TNRC18: variants seen among roughly 807,000 people sequenced by gnomAD.
TNRC18 encodes trinucleotide repeat-containing gene 18 protein.
In TNRC18, 69 loss-of-function variants were observed where a neutral mutation model predicts 226.7. The observed-to-expected ratio is 0.30, with a 90% CI of 0.25 to 0.37. The LOEUF (loss-of-function observed/expected upper bound fraction) is 0.37, where lower values mean the gene tolerates loss of function less well. Ranked by LOEUF, TNRC18 falls within the 10% of genes least tolerant of loss-of-function variation. TNRC18 has a pLI of 1.00. For missense variants in TNRC18, 4,754 were observed against 4,256.6 expected, an observed-to-expected ratio of 1.12 and a Z score of -3.25; for synonymous variants, 2,449 against 1,927.6, an observed-to-expected ratio of 1.27 and a Z score of -7.09.
chr7:5,380,641 T>C (rs1056340102), intron 5 of TNRC18, among the ~76,000 whole-genome samples: 1 of 152,122 alleles, frequency 6.6e-6, no homozygotes, highest in African/African-American at 2.4e-5. Context: ...AACATCAACG[T>C]AGCTCCTGTA....
In TNRC18 at chr7:5,382,553, G is replaced by A. The variant is rs192416182; in HGVS notation, c.2153-4529C>T. On this transcript the variant is annotated intron_variant, in intron 5 of 29. Transcript: ENST00000430969. ...CCAGGGGTCCGGGGAAGCGGATCGGGGGGGAGTGACTGGATAGAGGCCCCA... is the reference window on the plus strand; with the variant it reads ...CCAGGGGTCCGGGGAAGCGGATCGGAGGGGAGTGACTGGATAGAGGCCCCA... Among the ~76,000 whole-genome samples the A allele has an allele frequency of 5.2e-3, 797 of 152,214 alleles. 2 individuals are homozygous for A. Among genetic ancestry groups the A allele is most frequent in the Non-Finnish European group, 8.5e-3 (575 of 68,008 alleles).
chr7:5,357,382 C>G (rs1402391798), intron 15 of TNRC18, 106 bp from the exon 16 acceptor site: 5 of 1,252,078 alleles, frequency 4.0e-6, no homozygotes, highest in Non-Finnish European at 5.4e-6. Context: ...TCACCTGCCT[C>G]TGTGATTTAA....
chr7:5,313,712 C>A lies in TNRC18; in HGVS notation c.7179G>T (p.Pro2393=). The change falls in exon 27 of 30, where the codon CCG becomes CCT. Residue 2393 remains proline (P), a synonymous_variant. Coordinates refer to ENST00000430969, the MANE Select transcript of TNRC18 (RefSeq NM_001080495.3). Reference sequence around the variant, plus strand: ...CGGGTGGTGCGGGACTGGGCTGCGGCGGTGCCGGGCGCGCCTTGGGGGCCT... The same window carrying A: ...CGGGTGGTGCGGGACTGGGCTGCGGAGGTGCCGGGCGCGCCTTGGGGGCCT... ...RAKAPKARPA[P]PQPSPAPPAF... 1 of 1,587,938 alleles carries A rather than the reference C, an allele frequency of 6.3e-7. No homozygotes were observed. The highest frequency in any genetic ancestry group is 8.6e-7 in the Non-Finnish European group (1 of 1,167,428).
At chr7:5,356,707 C>G (rs1029573429) in intron 16 of TNRC18, among the ~76,000 whole-genome samples, 2 of 152,184 alleles carry the variant, frequency 1.3e-5, no homozygotes, top group Non-Finnish European at 2.9e-5. Flanking sequence ...ATCACACCCG[C>G]CAGTCACAGG....
Position 5,388,508 on chromosome 7 carries a change from G to A in TNRC18, c.1316C>T (p.Pro439Leu). The A allele has an allele frequency of 1.4e-5, 19 of 1,330,642 alleles. No homozygotes were observed. The highest frequency in any genetic ancestry group is 1.8e-5 in the South Asian group (1 of 57,080). 82.4% of individuals were successfully genotyped at this position (1,330,642 alleles called of 1,614,324 possible). The change falls in exon 5 of 30, where the codon CCG (proline) becomes CTG (leucine). Residue 439 changes from proline to leucine, a missense_variant. Physicochemically the swap from Pro to Leu is moderately conservative, Grantham distance 98. Transcript: ENST00000430969. ...CACCGTGGGGGCATCCGCGGGGGGC[G>A]GCCGCTTGAGCGAGCGGATGACCGA... ...KNSVIRSLKR[P>L]PPADAPTVRA...
Position 5,313,374 on chromosome 7 carries a change from G to A in TNRC18, c.7517C>T (p.Pro2506Leu), listed in dbSNP as rs762750666. Residue 2506 changes from proline (P) to leucine (L), a missense_variant, in exon 27 of 30, where the codon CCC becomes CTC. Physicochemically the swap from Pro to Leu is moderately conservative, Grantham distance 98. Transcript: ENST00000430969. ...CTTGGGCTCGCTGCTGCCGGCCGCG[G>A]GGGGATAGCTGCCCAGGCTCAGGAG... Reference protein sequence around the residue: ...KSLLSLGSYPPAAGSSEPKAP... With the variant: ...KSLLSLGSYPLAAGSSEPKAP... 1.9e-5 allele frequency: 30 copies of A among 1,584,484 alleles called. No homozygotes were observed. Among genetic ancestry groups the A allele is most frequent in the African/African-American group, 2.7e-5 (2 of 74,184 alleles).
chr7:5,369,595 G>C (rs1455791386), intron 11 of TNRC18, among the ~76,000 whole-genome samples: 1 of 152,132 alleles, frequency 6.6e-6, no homozygotes, highest in South Asian at 2.1e-4. Flanking sequence ...GAGGGAAGGA[G>C]ACGGGGACAC....
Position 5,377,874 on chromosome 7 carries a change from G to A in TNRC18, c.2255+48C>T, listed in dbSNP as rs1404679814. 1 of 1,581,344 alleles carries A rather than the reference G, an allele frequency of 6.3e-7. No individual in the cohort carries two copies. Among genetic ancestry groups the A allele is most frequent in the Non-Finnish European group, 8.7e-7 (1 of 1,152,866 alleles). ...TCATCCAGCTGCCCCTCACCCCCAG[G>A]GGCTCCTAGATACCCCCTAGACCCT... On this transcript the variant is annotated intron_variant, in intron 6 of 29. Transcript: ENST00000430969. The surrounding 1 kb of genome is among the most constrained non-coding windows in gnomAD (Gnocchi z 5.8).
intron 11 of TNRC18, among the ~76,000 whole-genome samples, chr7:5,369,318 C>T (rs1240182495): frequency 6.6e-6 from 1 of 152,192 alleles, no homozygotes; most frequent in African/African-American, 2.4e-5. Flanking sequence ...CACTGCACAC[C>T]AGCCTGGGTG....
At chr7:5,319,521 T>A (rs1788144521) in intron 24 of TNRC18, among the ~76,000 whole-genome samples, 1 of 152,188 alleles carries the variant, frequency 6.6e-6, no homozygotes, top group South Asian at 2.1e-4. Context: ...TCTTTTTTCT[T>A]TTTTTGAGAC....
chr7:5,374,192 G>C lies in TNRC18; in HGVS notation c.3092C>G (p.Pro1031Arg). ...TGGGGAGGCGGGCGGCGGGCTGGTG[G>C]GGTGGGAGCTGGGGGTGGCGGGGTA... ...YAYPATPSSH[P>R]TSPPPASPPP... is the part of the protein sequence containing the mutation. The change falls in exon 10 of 30, where the codon CCC (proline) becomes CGC (arginine). Residue 1031 changes from proline to arginine, a missense_variant. Pro to Arg is a moderately radical substitution (Grantham distance 103). Transcript: ENST00000430969. 7.0e-7 allele frequency: 1 copy of C among 1,436,346 alleles called. No homozygotes were observed. The highest frequency in any genetic ancestry group is 1.5e-5 in the South Asian group (1 of 67,880). 89.0% of individuals were successfully genotyped at this position (1,436,346 alleles called of 1,614,324 possible).
At position 5,388,355 on chromosome 7, in the gene TNRC18, G is replaced by T; in HGVS notation, c.1469C>A (p.Ala490Asp). The T allele has an allele frequency of 1.3e-6, 2 of 1,576,158 alleles. No homozygotes were observed. Among genetic ancestry groups the T allele is most frequent in the South Asian group, 2.3e-5 (2 of 86,722 alleles). The change falls in exon 5 of 30, where the codon GCC becomes GAC. Residue 490 changes from alanine to aspartate, a missense_variant. By Grantham distance (126) the Ala-to-Asp change is moderately radical (BLOSUM62 -2). Transcript: ENST00000430969. ...GGGCTCCAGGCCGAAGAGCTTGGCG[G>T]CCTGTTGGGCTGCAGGACCGGCTGG... is the stretch of plus-strand genomic sequence containing the variant. ...RGPAGPAAQQ[A>D]AKLFGLEPGR...
In TNRC18 at chr7:5,388,123, C is replaced by A; in HGVS notation, c.1701G>T (p.Arg567=). ...VLPRSAATCG[R]PVADMHSAAH... ...CCGCAGAGTGCATGTCAGCGACCGG[C>A]CGGCCGCAGGTGGCCGCCGAGCGGG... Residue 567 remains arginine (R), a synonymous_variant, in exon 5 of 30, where the codon CGG becomes CGT. Transcript: ENST00000430969. The A allele has an allele frequency of 1.9e-6, 3 of 1,554,722 alleles. No homozygotes were observed. The highest frequency in any genetic ancestry group is 2.6e-6 in the Non-Finnish European group (3 of 1,150,340).
intron 14 of TNRC18, among the ~76,000 whole-genome samples, chr7:5,360,243 T>A (rs1444036233): frequency 4.7e-5 from 7 of 150,284 alleles, no homozygotes; most frequent in Non-Finnish European, 8.9e-5. Flanking sequence ...TTATTTAATT[T>A]ATTTTTAGAT....
intron 2 of TNRC18, chr7:5,420,335 G>A: frequency 2.2e-6 from 1 of 455,326 alleles, no homozygotes; most frequent in Non-Finnish European, 4.4e-6. Flanking sequence ...TTTCCCCCTA[G>A]GTTCGGGACC....
chr7:5,370,635 G>T lies in TNRC18; in HGVS notation c.3959C>A (p.Thr1320Asn), dbSNP rs769003378. The T allele has an allele frequency of 2.5e-6, 4 of 1,613,068 alleles. No individual in the cohort carries two copies. Among genetic ancestry groups the T allele is most frequent in the Admixed American group, 1.7e-5 (1 of 59,992 alleles). Residue 1320 changes from threonine to asparagine, a missense_variant, in exon 11 of 30, where the codon ACC becomes AAC. Transcript: ENST00000430969. ...AGAGCTTGCCTCTTCCAGGAAGCAGGTGCTGCCGAGTACAGGCACGGCCTC... is the reference window on the plus strand; with the variant it reads ...AGAGCTTGCCTCTTCCAGGAAGCAGTTGCTGCCGAGTACAGGCACGGCCTC... Reference protein sequence around the residue: ...PQEAVPVLGSTCFLEEASSDQ... With the variant: ...PQEAVPVLGSNCFLEEASSDQ...
At chr7:5,349,227 T>C (rs1450248759) in intron 17 of TNRC18, among the ~76,000 whole-genome samples, 1 of 152,128 alleles carries the variant, frequency 6.6e-6, no homozygotes, top group African/African-American at 2.4e-5. Flanking sequence ...CCACACCCGC[T>C]GCTCCTGCGG....
At chr7:5,361,517 G>A in intron 14 of TNRC18, 77 bp downstream of exon 14, 1 of 1,412,094 alleles carries the variant, frequency 7.1e-7, no homozygotes. Flanking sequence ...GCACCCCGAG[G>A]CAGGCCCTGC....
intron 2 of TNRC18, among the ~76,000 whole-genome samples, chr7:5,418,586 T>G (rs548465138): frequency 1.3e-5 from 2 of 152,290 alleles, no homozygotes; most frequent in African/African-American, 4.8e-5. Context: ...AACCTTAATG[T>G]GCCTCTCCCT....
Sources: gnomAD v4.1 joint callset for allele counts (sites outside exome capture counted in the v4.1 genomes callset) on GRCh38, gnomAD v4.1.1 for gene constraint, Gnocchi (gnomAD v3.1) non-coding constraint, MANE v1.5 for transcripts, NCBI Gene and HGNC (gene_info 2026-07-23, HGNC 2026-07-21) for gene names.